The following GNAT2 variants were observed in gnomAD, a reference collection of about 807,000 sequenced individuals.
GNAT2 encodes guanine nucleotide-binding protein G(t) subunit alpha-2.
A neutral mutation model predicts 40.9 loss-of-function variants in GNAT2; 32 were observed. The observed-to-expected ratio is 0.78, with a 90% CI of 0.59 to 1.05. GNAT2 has a LOEUF of 1.05. Ranked by LOEUF, GNAT2 falls within the 50% of genes least tolerant of loss-of-function variation. The pLI is 0.00. For missense variants in GNAT2, 355 were observed against 431.5 expected (o/e 0.82, Z 1.57); for synonymous variants, 141 against 157.2 (o/e 0.90, Z 0.77).
rs767822919 is a variant in GNAT2 at position 109,603,333 on chromosome 1, A to G, written c.*21T>C. 2.1e-6 allele frequency: 3 copies of G among 1,404,790 alleles called. No homozygotes were observed. Among genetic ancestry groups the G allele is most frequent in the Non-Finnish European group, 1.0e-6 (1 of 990,046 alleles). The allele number at this position is 1,404,790 out of a possible 1,614,324, so 87.0% of individuals were successfully genotyped here. A position where few individuals can be genotyped will look rare whatever the true frequency, so the allele number is the denominator to read the frequency against. On this transcript the variant is annotated 3_prime_UTR_variant, in exon 9 of 9. Transcript: ENST00000679935. ...GATTCCAAGCCTGTTTATAGAACTT[A>G]TACCTGAGGAATGGTGAGGATTAGA...
intron 5 of GNAT2, 143 bp downstream of exon 5, chr1:109,608,488 C>T (rs1478869556): frequency 1.3e-6 from 1 of 784,922 alleles, no homozygotes; most frequent in Admixed American, 1.8e-5. Flanking sequence ...CCTAACAAAA[C>T]AGATCCACAG....
chr1:109,614,512 T>C (rs1335697014), intron 1 of GNAT2: 1 of 152,238 alleles, frequency 6.6e-6, no homozygotes, highest in African/African-American at 2.4e-5. Flanking sequence ...CAACTTTTAG[T>C]GTACAGTGGC....
chr1:109,606,796 G>A (rs1649610836), intron 5 of GNAT2: 2 of 311,532 alleles, frequency 6.4e-6, no homozygotes, highest in African/African-American at 4.3e-5. Context: ...TTAAAGACAT[G>A]AACCAATGCA....
intron 7 of GNAT2, chr1:109,605,747 G>A: frequency 2.0e-6 from 1 of 505,868 alleles, no homozygotes; most frequent in Non-Finnish European, 3.6e-6. Flanking sequence ...TCTAATTTGA[G>A]ACCAAGCTCA....
At chr1:109,608,292 C>T (rs545360630) in intron 5 of GNAT2, 1 of 382,714 alleles carries the variant, frequency 2.6e-6, no homozygotes, top group East Asian at 6.3e-5. Flanking sequence ...TCTTAGGGTT[C>T]TGGAAGGAGA....
intron 1 of GNAT2, among the ~76,000 whole-genome samples, chr1:109,619,130 C>T (rs1316582774): frequency 6.6e-6 from 1 of 152,162 alleles, no homozygotes; most frequent in Non-Finnish European, 1.5e-5. Context: ...GTTGGATAGA[C>T]CCCAGAACGG....
chr1:109,606,929 G>A (rs2101124745), intron 5 of GNAT2: 1 of 174,592 alleles, frequency 5.7e-6, no homozygotes, highest in African/African-American at 2.4e-5. Flanking sequence ...CTATTTGGGT[G>A]TGATTATATT....
chr1:109,609,800 A>G (rs1649734602), intron 4 of GNAT2: 4 of 521,048 alleles, frequency 7.7e-6, no homozygotes, highest in Admixed American at 3.1e-5. Context: ...CAGTTTTTCC[A>G]TGTGTAAAAT....
intron 8 of GNAT2, 51 bp from the exon 9 acceptor site, chr1:109,603,595 G>T: frequency 8.4e-7 from 1 of 1,185,434 alleles, no homozygotes; most frequent in Non-Finnish European, 1.3e-6. Flanking sequence ...ACCCTTGTTA[G>T]TTGCTGACTC....
At chr1:109,604,196 C>T (rs1649525645) in intron 7 of GNAT2, 92 bp from the exon 8 acceptor site, 2 of 991,724 alleles carry the variant, frequency 2.0e-6, no homozygotes, top group Non-Finnish European at 3.2e-6. Context: ...GAGACCAGTG[C>T]TCCAAATGTA....
At chr1:109,606,629 A>G in intron 5 of GNAT2, 193 bp from the exon 6 acceptor site, 1 of 575,996 alleles carries the variant, frequency 1.7e-6, no homozygotes, top group Admixed American at 2.7e-5. Flanking sequence ...GGATGGACTG[A>G]GGGACAAGCC....
At chr1:109,613,487 CCGCAGT>C in intron 1 of GNAT2, 1 of 162,800 alleles carries the variant, frequency 6.1e-6, no homozygotes, top group South Asian at 1.5e-4. Flanking sequence ...GTTTCAGCTC[CCGCAGT>C]GGCTGCTGCT....
In GNAT2 at chr1:109,603,524, C is replaced by T; in HGVS notation, c.895G>A (p.Ala299Thr). Residue 299 changes from alanine to threonine, a missense_variant, in exon 9 of 9, where the codon GCG becomes ACG. Physicochemically the swap from Ala to Thr is moderately conservative, Grantham distance 58 (BLOSUM62 0). Transcript: ENST00000679935. The stretch of plus-strand genomic sequence containing the variant: ...AACTGGCTCTTTATGTAATTCCCCG[C>T]ATCATCATAGGAGTTGTTACCTGGT... Reference protein sequence around the residue: ...EYDGNNSYDDAGNYIKSQFLD... With the variant: ...EYDGNNSYDDTGNYIKSQFLD... The T allele has an allele frequency of 6.2e-7, 1 of 1,609,972 alleles. No homozygotes were observed. The highest frequency in any genetic ancestry group is 8.5e-7 in the Non-Finnish European group (1 of 1,176,248).
chr1:109,613,062 C>A, intron 1 of GNAT2, 139 bp from the exon 2 acceptor site: 1 of 656,328 alleles, frequency 1.5e-6, no homozygotes, highest in South Asian at 1.6e-5. Flanking sequence ...ACTGAGACTC[C>A]CTACTTCAAC....
rs751377702 is a variant in GNAT2, at chr1:109,610,059, T to C, written c.284A>G (p.Tyr95Cys). Residue 95 changes from tyrosine (Y) to cysteine (C), a missense_variant, in exon 4 of 9, where the codon TAT (tyrosine) becomes TGT (cysteine). Transcript: ENST00000679935. ...ACATACCGCACAGCTTGGTTCAGCA[T>C]AATCGATGCCCAGTGTGGTCATGGC... ...IRAMTTLGID[Y>C]AEPSCADDGR... is the part of the protein sequence containing the mutation. The C allele has an allele frequency of 2.5e-6, 4 of 1,614,004 alleles. No homozygotes were observed. The highest frequency in any genetic ancestry group is 3.4e-6 in the Non-Finnish European group (4 of 1,179,972).
intron 6 of GNAT2, 64 bp downstream of exon 6, chr1:109,606,244 G>A: frequency 6.3e-7 from 1 of 1,588,606 alleles, no homozygotes; most frequent in Non-Finnish European, 8.6e-7. Context: ...CAAGAAGCCT[G>A]CCTGTGCCCC....
intron 1 of GNAT2, chr1:109,617,960 A>G (rs956171836): frequency 1.3e-5 from 2 of 152,210 alleles, no homozygotes; most frequent in Admixed American, 6.5e-5. Flanking sequence ...AGACCAATTC[A>G]GTGGGCCATA....
chr1:109,610,372 T>C (rs1159214779), intron 3 of GNAT2, 93 bp downstream of exon 3: 10 of 1,349,932 alleles, frequency 7.4e-6, no homozygotes, highest in Non-Finnish European at 1.1e-5. Flanking sequence ...CCTGGGCTCC[T>C]TGAGGCTAAA....
chr1:109,605,410 G>A (rs1649561614), intron 7 of GNAT2: 1 of 178,724 alleles, frequency 5.6e-6, no homozygotes, highest in Non-Finnish European at 1.2e-5. Flanking sequence ...AATTCTACAG[G>A]CTAAAGAGAA....
Sources: allele counts gnomAD v4.1 joint callset (sites outside exome capture counted in the v4.1 genomes callset), GRCh38; gene constraint gnomAD v4.1.1; transcripts MANE v1.5; gene names NCBI Gene and HGNC (gene_info 2026-07-23, HGNC 2026-07-21).